Variants in UTRN observed in about 807,000 individuals in gnomAD.
UTRN encodes the protein utrophin, also known as dystrophin-related protein 1.
A neutral mutation model predicts 463.9 loss-of-function variants in UTRN; 283 were observed. The observed-to-expected ratio is 0.61, with a 90% CI of 0.55 to 0.67. The LOEUF is 0.67. Among genes scored for constraint, UTRN ranks in the 30% least tolerant of loss-of-function variants. The pLI is 0.00. For missense variants in UTRN, 3,922 were observed against 4,084.3 expected (o/e 0.96, Z 1.08); for synonymous variants, 1,442 against 1,431.5 (o/e 1.01, Z -0.17).
In UTRN at chr6:144,504,077, C is replaced by T. The variant is rs370152546; in HGVS notation, c.4764+4650C>T. Among the ~76,000 whole-genome samples, 53 of 152,228 alleles carry T rather than the reference C, an allele frequency of 3.5e-4. 1 individual carries two copies. In the East Asian group the frequency reaches 9.9e-3, roughly 28 times the overall value. Reference sequence around the variant, plus strand: ...GTATAGGAATGCTTGTGATTTTTTGCACATTGATTTTGTATCCTGAGACTT... The same window carrying T: ...GTATAGGAATGCTTGTGATTTTTTGTACATTGATTTTGTATCCTGAGACTT... On this transcript the variant is annotated intron_variant, in intron 34 of 74. Transcript: ENST00000367545.
At chr6:144,710,611 T>C (rs866758195) in intron 53 of UTRN, among the ~76,000 whole-genome samples, 5 of 152,234 alleles carry the variant, frequency 3.3e-5, no homozygotes, top group Non-Finnish European at 5.9e-5. Flanking sequence ...ATAAATACTT[T>C]GTTCAGTGCT....
chr6:144,465,900 G>T (rs114977816), intron 23 of UTRN, among the ~76,000 whole-genome samples: 1 of 152,118 alleles, frequency 6.6e-6, no homozygotes, highest in African/African-American at 2.4e-5. Flanking sequence ...TAGTTAACTC[G>T]TTTATTTTTA....
intron 54 of UTRN, among the ~76,000 whole-genome samples, chr6:144,743,291 AC>A (rs1157683339): frequency 1.3e-5 from 2 of 152,350 alleles, no homozygotes; most frequent in East Asian, 3.9e-4. Flanking sequence ...TGAGAAAAAA[AC>A]ACCATACATA....
At chr6:144,635,942 A>AT (rs903311967) in intron 51 of UTRN, among the ~76,000 whole-genome samples, 10 of 151,902 alleles carry the variant, frequency 6.6e-5, no homozygotes, top group African/African-American at 1.7e-4. Flanking sequence ...GAAAATTATT[A>AT]TTTTTTTTAA....
chr6:144,422,114 A>C, intron 4 of UTRN, 144 bp downstream of exon 4: 1 of 655,882 alleles, frequency 1.5e-6, no homozygotes, highest in Non-Finnish European at 2.4e-6. Context: ...TTTTTAACAA[A>C]GCATTTTAAT....
intron 51 of UTRN, among the ~76,000 whole-genome samples, chr6:144,587,627 C>T (rs760000280): frequency 6.6e-5 from 10 of 152,098 alleles, no homozygotes; most frequent in South Asian, 2.1e-4. Flanking sequence ...TATTTTCGAC[C>T]GGTTGAATTT....
At chr6:144,584,832 A>G (rs1404766441) in intron 51 of UTRN, among the ~76,000 whole-genome samples, 3 of 152,166 alleles carry the variant, frequency 2.0e-5, no homozygotes, top group East Asian at 1.9e-4. Flanking sequence ...AGTTATTTCA[A>G]TGTGTTGTGT....
intron 2 of UTRN, among the ~76,000 whole-genome samples, chr6:144,294,765 A>G (rs1383140409): frequency 6.8e-6 from 1 of 146,062 alleles, no homozygotes; most frequent in Non-Finnish European, 1.5e-5. Flanking sequence ...ACTTAGTATT[A>G]CTTTGTTTCA....
Position 144,346,192 on chromosome 6 carries a change from T to A in UTRN, c.79+54285T>A, listed in dbSNP as rs200722935. 0.011 allele frequency among the ~76,000 whole-genome samples: 1,533 copies of A among 140,132 alleles called. 72 individuals are homozygous for A. The East Asian group carries it at 0.17, about 16-fold the overall frequency. The allele number at this position is 140,132 out of a possible 152,430, so 91.9% of individuals were successfully genotyped here. A position where few individuals can be genotyped will look rare whatever the true frequency, so the allele number is the denominator to read the frequency against. ...AACTCTGTCTCAAAAAAAAAAAAAA[T>A]AAAATAAAAAAGCAGGCTTTTAAAT... On this transcript the variant is annotated intron_variant, in intron 2 of 74. Transcript: ENST00000367545.
chr6:144,779,064 G>T (rs1023166668), intron 60 of UTRN, among the ~76,000 whole-genome samples: 1 of 152,196 alleles, frequency 6.6e-6, no homozygotes, highest in Admixed American at 6.5e-5. Flanking sequence ...GCTACAGAGT[G>T]TATAACCAGG....
chr6:144,607,914 C>T (rs1018004253), intron 51 of UTRN, among the ~76,000 whole-genome samples: 1 of 152,180 alleles, frequency 6.6e-6, no homozygotes, highest in Non-Finnish European at 1.5e-5. Context: ...AATCCTCTTG[C>T]TCTGAGAAAC....
chr6:144,705,009 A>C (rs1284360562), intron 53 of UTRN, among the ~76,000 whole-genome samples: 1 of 152,172 alleles, frequency 6.6e-6, no homozygotes, highest in Non-Finnish European at 1.5e-5. Flanking sequence ...TATTTTCTTT[A>C]TAGGTTGTGA....
chr6:144,558,854 G>C (rs756823641), intron 50 of UTRN, among the ~76,000 whole-genome samples: 6 of 152,012 alleles, frequency 3.9e-5, no homozygotes, highest in Non-Finnish European at 5.9e-5. Context: ...TATAACAAGT[G>C]TTATGGGAGT....
intron 34 of UTRN, among the ~76,000 whole-genome samples, chr6:144,501,625 AT>A (rs1794189754): frequency 6.6e-6 from 1 of 151,882 alleles, no homozygotes; most frequent in Admixed American, 6.6e-5. Context: ...TTCATTCTTA[AT>A]TTTTTTATTT....
chr6:144,451,592 G>T, intron 18 of UTRN, 99 bp downstream of exon 18: 1 of 1,381,364 alleles, frequency 7.2e-7, no homozygotes, highest in South Asian at 1.6e-5. Flanking sequence ...AAAGCCTCCT[G>T]TAAAATAAAT....
chr6:144,642,678 G>A (rs1365226693), intron 51 of UTRN, among the ~76,000 whole-genome samples: 1 of 152,164 alleles, frequency 6.6e-6, no homozygotes, highest in East Asian at 1.9e-4. Context: ...TTACAAAATA[G>A]TGACACAGTC....
chr6:144,571,629 A>G (rs1297619268), intron 50 of UTRN, among the ~76,000 whole-genome samples: 3 of 152,218 alleles, frequency 2.0e-5, no homozygotes, highest in African/African-American at 2.4e-5. Context: ...AATTTTAGGT[A>G]AATACATATA....
chr6:144,463,982 G>A (rs1188053584), intron 23 of UTRN, among the ~76,000 whole-genome samples: 1 of 149,884 alleles, frequency 6.7e-6, no homozygotes, highest in Non-Finnish European at 1.5e-5. Flanking sequence ...CCAAATATAT[G>A]TAGATACAAT....
In UTRN at chr6:144,852,853, A is replaced by G. The variant is rs1409551367; in HGVS notation, c.*1856A>G. ...CTCTATCTGCTATTAAAGAAAAGCTACGTAAAACACTACATTGTAACCTTC... is the reference window on the plus strand; with the variant it reads ...CTCTATCTGCTATTAAAGAAAAGCTGCGTAAAACACTACATTGTAACCTTC... On this transcript the variant is annotated 3_prime_UTR_variant, in exon 75 of 75. Transcript: ENST00000367545. The G allele has an allele frequency of 6.6e-6, 1 of 152,660 alleles. No homozygotes were observed. The allele number at this position is 152,660 out of a possible 1,614,324, so 9.5% of individuals were successfully genotyped here. A position where few individuals can be genotyped will look rare whatever the true frequency, so the allele number is the denominator to read the frequency against.
Sources: gnomAD v4.1 joint callset for allele counts (sites outside exome capture counted in the v4.1 genomes callset) on GRCh38, gnomAD v4.1.1 for gene constraint, MANE v1.5 for transcripts, NCBI Gene and HGNC (gene_info 2026-07-23, HGNC 2026-07-21) for gene names.